The following KCNQ5 variants were observed in gnomAD, a reference collection of about 807,000 sequenced individuals.
The protein encoded by KCNQ5 is potassium voltage-gated channel subfamily Q member 5.
KCNQ5 carries 30 observed loss-of-function variants against 98.2 expected under a neutral mutation model. That is an observed-to-expected ratio of 0.31 (90% CI 0.23 to 0.41). KCNQ5 has a LOEUF of 0.41. Ranked by LOEUF, KCNQ5 falls within the 10% of genes least tolerant of loss-of-function variation. The probability of loss-of-function intolerance (pLI) is 1.00; values close to 1 mark genes in which losing one functional copy is unlikely to be tolerated. For synonymous variants in KCNQ5, 458 were observed against 449.4 expected (o/e 1.02, Z -0.24); for missense variants, 835 against 1,182.5 (o/e 0.71, Z 4.31).
chr6:73,036,281 G>A (rs112922214), intron 2 of KCNQ5, among the ~76,000 whole-genome samples: 1,645 of 150,848 alleles, frequency 0.011, 29 homozygotes, highest in African/African-American at 0.038. Flanking sequence ...AGCTACTCGG[G>A]AGGCTGAGGC....
chr6:72,918,874 C>T (rs2150214435), intron 1 of KCNQ5, among the ~76,000 whole-genome samples: 1 of 152,254 alleles, frequency 6.6e-6, no homozygotes, highest in African/African-American at 2.4e-5. Flanking sequence ...TGCATGAAGT[C>T]CAGATTTACA....
intron 11 of KCNQ5, among the ~76,000 whole-genome samples, chr6:73,188,613 C>T (rs572460373): frequency 2.7e-4 from 41 of 152,264 alleles, no homozygotes; most frequent in African/African-American, 7.7e-4. Context: ...AGAAACTGTG[C>T]GAAGCTCTAA....
intron 1 of KCNQ5, among the ~76,000 whole-genome samples, chr6:72,739,210 T>A (rs996733931): frequency 6.6e-6 from 1 of 152,156 alleles, no homozygotes; most frequent in Non-Finnish European, 1.5e-5. Context: ...AAAAGTGCTC[T>A]TGAAAATGAA....
intron 1 of KCNQ5, among the ~76,000 whole-genome samples, chr6:72,927,345 AT>A (rs1765474362): frequency 6.6e-6 from 1 of 152,132 alleles, no homozygotes; most frequent in Non-Finnish European, 1.5e-5. Flanking sequence ...TGACTTGTTC[AT>A]ATCTCACTTT....
At chr6:73,006,306 C>G (rs1161543860) in intron 2 of KCNQ5, among the ~76,000 whole-genome samples, 1 of 148,330 alleles carries the variant, frequency 6.7e-6, no homozygotes, top group Non-Finnish European at 1.5e-5. Flanking sequence ...GAATTACCAT[C>G]CAAAGGAAGA....
intron 11 of KCNQ5, among the ~76,000 whole-genome samples, chr6:73,171,128 A>ATTTT: frequency 6.6e-6 from 1 of 152,166 alleles, no homozygotes; most frequent in Non-Finnish European, 1.5e-5. Context: ...AGATTTTCAT[A>ATTTT]AATGTTTGTG....
intron 7 of KCNQ5, 75 bp downstream of exon 7, chr6:73,111,478 G>A (rs974097842): frequency 7.6e-6 from 7 of 921,488 alleles, no homozygotes; most frequent in African/African-American, 1.7e-5. Flanking sequence ...CAATCTCTGT[G>A]CTTCATTGCT....
chr6:72,834,865 G>T (rs541880163), intron 1 of KCNQ5, among the ~76,000 whole-genome samples: 1 of 152,030 alleles, frequency 6.6e-6, no homozygotes, highest in Non-Finnish European at 1.5e-5. Context: ...ATTTTCTTTT[G>T]GTTCCAGGTC....
intron 1 of KCNQ5, among the ~76,000 whole-genome samples, chr6:72,884,545 A>G (rs933773739): frequency 1.3e-5 from 2 of 152,184 alleles, no homozygotes; most frequent in African/African-American, 4.8e-5. Context: ...GATGTGTTCA[A>G]GTGAATCTCT....
chr6:73,079,476 A>G (rs1366054316), intron 5 of KCNQ5, among the ~76,000 whole-genome samples: 4 of 152,232 alleles, frequency 2.6e-5, no homozygotes, highest in African/African-American at 9.6e-5. Flanking sequence ...AGCAAGACCC[A>G]GAACATTTGT....
chr6:72,686,303 C>T (rs1767946958), intron 1 of KCNQ5, among the ~76,000 whole-genome samples: 2 of 152,142 alleles, frequency 1.3e-5, no homozygotes. Context: ...TGCCAACAAA[C>T]TGTATTATCA....
At chr6:72,860,344 T>C (rs1777713624) in intron 1 of KCNQ5, among the ~76,000 whole-genome samples, 1 of 152,128 alleles carries the variant, frequency 6.6e-6, no homozygotes, top group South Asian at 2.1e-4. Flanking sequence ...ACAGGACCTT[T>C]TCAACATGCT....
chr6:72,785,367 G>T (rs937091792), intron 1 of KCNQ5, among the ~76,000 whole-genome samples: 2 of 152,000 alleles, frequency 1.3e-5, no homozygotes, highest in South Asian at 4.2e-4. Flanking sequence ...CAGGAGCAGG[G>T]GTCAGGCACA....
At chr6:73,110,116 AAAAAG>A (rs1554210231) in intron 6 of KCNQ5, among the ~76,000 whole-genome samples, 1 of 152,222 alleles carries the variant, frequency 6.6e-6, no homozygotes, top group Non-Finnish European at 1.5e-5. Flanking sequence ...CTCTAAAAAT[AAAAAG>A]AAAAGAAAAG....
chr6:73,081,316 T>C (rs1189549933), intron 5 of KCNQ5, among the ~76,000 whole-genome samples: 1 of 152,190 alleles, frequency 6.6e-6, no homozygotes, highest in South Asian at 2.1e-4. Flanking sequence ...GATTGTTGGA[T>C]AGAGCTCCAT....
At chr6:73,057,016 G>A (rs1772538365) in intron 3 of KCNQ5, among the ~76,000 whole-genome samples, 1 of 152,096 alleles carries the variant, frequency 6.6e-6, no homozygotes, top group African/African-American at 2.4e-5. Flanking sequence ...CTGCTATAAA[G>A]ACACATGCAC....
intron 1 of KCNQ5, among the ~76,000 whole-genome samples, chr6:72,815,979 C>G (rs1582345367): frequency 6.6e-6 from 1 of 152,050 alleles, no homozygotes; most frequent in African/African-American, 2.4e-5. Flanking sequence ...ATAATTGAAG[C>G]CTTGGAATTA....
intron 1 of KCNQ5, among the ~76,000 whole-genome samples, chr6:72,898,282 C>A (rs777266251): frequency 6.6e-6 from 1 of 152,072 alleles, no homozygotes; most frequent in South Asian, 2.1e-4. Context: ...TTAAGCCCTG[C>A]ATGCATTAGC....
At chr6:72,739,197 C>G (rs1169640961) in intron 1 of KCNQ5, among the ~76,000 whole-genome samples, 1 of 151,782 alleles carries the variant, frequency 6.6e-6, no homozygotes, top group African/African-American at 2.4e-5. Context: ...TTGCTGTGGA[C>G]CTAAAAGTGC....
Sources: gnomAD v4.1 joint callset for allele counts (sites outside exome capture counted in the v4.1 genomes callset) on GRCh38, gnomAD v4.1.1 for gene constraint, MANE v1.5 for transcripts, NCBI Gene and HGNC (gene_info 2026-07-23, HGNC 2026-07-21) for gene names.